Variants in TUB observed in about 807,000 individuals in gnomAD.
TUB encodes the protein tubby protein homolog.
A neutral mutation model predicts 59.7 loss-of-function variants in TUB; 33 were observed. That is an observed-to-expected ratio of 0.55 (90% CI 0.42 to 0.74). The LOEUF (loss-of-function observed/expected upper bound fraction) is 0.74. Ranked by LOEUF, TUB falls within the 30% of genes least tolerant of loss-of-function variation. TUB has a pLI of 0.00. For missense variants in TUB, 659 were observed against 672.0 expected (o/e 0.98, Z 0.21); for synonymous variants, 293 against 256.4 (o/e 1.14, Z -1.36).
chr11:8,037,170 G>A (rs1340816964), upstream of TUB, among the ~76,000 whole-genome samples: 1 of 152,232 alleles, frequency 6.6e-6, no homozygotes, highest in Non-Finnish European at 1.5e-5. Flanking sequence ...CGGCATGCAG[G>A]ATGTCTGTGC....
chr11:8,097,647 G>A, intron 7 of TUB, 67 bp from the exon 8 acceptor site: 2 of 1,414,124 alleles, frequency 1.4e-6, no homozygotes, highest in Non-Finnish European at 2.0e-6. Flanking sequence ...GTCTGTGTGA[G>A]TGGCTCTCAT....
At chr11:8,078,654 C>T (rs1046344879), upstream of TUB, among the ~76,000 whole-genome samples, 4 of 152,074 alleles carry the variant, frequency 2.6e-5, no homozygotes, top group African/African-American at 7.2e-5. Context: ...CTCCTGCACG[C>T]GTACCATCCA....
At chr11:8,095,409 T>TCTTCC in intron 4 of TUB, 89 bp from the exon 5 acceptor site, 1 of 1,401,592 alleles carries the variant, frequency 7.1e-7, no homozygotes, top group South Asian at 1.4e-5. Context: ...GTTTCCCCAC[T>TCTTCC]CTTCCCTCAT....
rs1420990590 is a variant in TUB at position 8,105,083 on chromosome 11, G to A, written c.*3464G>A. Reference sequence around the variant, plus strand: ...GCTTACAATGGAGTCTGCAGTGAGGGGAGATGCTGGGATAGCCATTTCCAT... The same window carrying A: ...GCTTACAATGGAGTCTGCAGTGAGGAGAGATGCTGGGATAGCCATTTCCAT... On this transcript the variant is annotated 3_prime_UTR_variant, in exon 12 of 12. Transcript: ENST00000299506. 1 of 152,152 alleles carries A rather than the reference G, an allele frequency of 6.6e-6. No individual in the cohort carries two copies. The allele number at this position is 152,152 out of a possible 1,614,324, so 9.4% of individuals were successfully genotyped here. A position where few individuals can be genotyped will look rare whatever the true frequency, so the allele number is the denominator to read the frequency against.
At chr11:8,029,301 T>C (rs1008933596) in intron 1 of TUB, among the ~76,000 whole-genome samples, 2 of 152,198 alleles carry the variant, frequency 1.3e-5, no homozygotes, top group South Asian at 4.1e-4. Context: ...CTAAGCTGAC[T>C]TTACCTTTCG....
rs922707243 is a variant in TUB at position 8,105,517 on chromosome 11, T to C, written c.*3898T>C. On this transcript the variant is annotated 3_prime_UTR_variant, in exon 12 of 12. Coordinates refer to ENST00000299506, the MANE Select transcript of TUB (RefSeq NM_177972.3). ...TTGGTTTTTAAATTTTCCAACCAAG[T>C]GGAAAGGCAAGTTGGTCTTATAGAA... The C allele has an allele frequency of 6.6e-6, 1 of 152,194 alleles. No homozygotes were observed. The highest frequency in any genetic ancestry group is 1.5e-5 in the Non-Finnish European group (1 of 68,046). The allele number at this position is 152,194 out of a possible 1,614,324, so 9.4% of individuals were successfully genotyped here. A position where few individuals can be genotyped will look rare whatever the true frequency, so the allele number is the denominator to read the frequency against.
At chr11:8,090,782 G>A (rs1405694548) in intron 3 of TUB, among the ~76,000 whole-genome samples, 2 of 151,984 alleles carry the variant, frequency 1.3e-5, no homozygotes, top group African/African-American at 2.4e-5. Context: ...GCAGAGCCCA[G>A]TTGGGAGAAA....
At chr11:8,028,077 A>G (rs75496844) in intron 1 of TUB, among the ~76,000 whole-genome samples, 8,327 of 152,236 alleles carry the variant, frequency 0.055, 324 homozygotes, top group Non-Finnish European at 0.085. Context: ...AAGGGTTCCC[A>G]TTTCTTCACC....
intron 2 of TUB, among the ~76,000 whole-genome samples, chr11:8,051,580 A>G (rs1942935577): frequency 6.6e-6 from 1 of 152,216 alleles, no homozygotes. Flanking sequence ...TTCTTTCCAG[A>G]AAGGCTATCA....
chr11:8,083,965 C>T (rs1477476119), intron 1 of TUB, among the ~76,000 whole-genome samples: 2 of 152,212 alleles, frequency 1.3e-5, no homozygotes, highest in Admixed American at 1.3e-4. Context: ...CTGCTGATTG[C>T]AGTCAAAGCC....
chr11:8,026,965 G>A (rs1465014900), intron 1 of TUB, among the ~76,000 whole-genome samples: 1 of 152,110 alleles, frequency 6.6e-6, no homozygotes, highest in Non-Finnish European at 1.5e-5. Context: ...GTAGCTTTCA[G>A]TGTATAGGTC....
chr11:8,057,137 T>C (rs746659932), intron 2 of TUB, among the ~76,000 whole-genome samples: 4 of 152,002 alleles, frequency 2.6e-5, no homozygotes, highest in Non-Finnish European at 5.9e-5. Context: ...GAGGGTCCCA[T>C]TCAGTTCTTT....
intron 2 of TUB, among the ~76,000 whole-genome samples, chr11:8,061,162 G>C (rs757306240): frequency 3.3e-5 from 5 of 152,236 alleles, no homozygotes; most frequent in Admixed American, 6.5e-5. Context: ...AATACAAAGA[G>C]AGTCTCTGAA....
chr11:8,029,850 G>A (rs1191740436), intron 1 of TUB, among the ~76,000 whole-genome samples: 1 of 152,182 alleles, frequency 6.6e-6, no homozygotes, highest in Non-Finnish European at 1.5e-5. Flanking sequence ...CTGGCCAGAG[G>A]AGTCGGGTGG....
At chr11:8,079,791 G>T (rs1293657873), upstream of TUB, among the ~76,000 whole-genome samples, 1 of 152,136 alleles carries the variant, frequency 6.6e-6, no homozygotes, top group Non-Finnish European at 1.5e-5. Context: ...CAGACCTTTT[G>T]TGTGTGAATG....
chr11:8,084,978 G>A lies in TUB; in HGVS notation c.38+3430G>A, dbSNP rs560677946. 2.6e-5 allele frequency among the ~76,000 whole-genome samples: 4 copies of A among 152,268 alleles called. No individual in the cohort carries two copies. The East Asian group carries it at 7.7e-4, about 29-fold the overall frequency. ...GTGATTTCTTTCAAGTTCTTCCTTA[G>A]GTTGAACCTAAGCAAGTCTCCGGGT... On this transcript the variant is annotated intron_variant, in intron 1 of 11. Coordinates refer to ENST00000299506, the MANE Select transcript of TUB (RefSeq NM_177972.3).
intron 2 of TUB, among the ~76,000 whole-genome samples, chr11:8,070,500 T>G: frequency 6.6e-6 from 1 of 152,252 alleles, no homozygotes; most frequent in East Asian, 1.9e-4. Context: ...ACTTTCTGAT[T>G]CTGGGGGTTT....
chr11:8,048,493 C>G (rs1942874950), intron 2 of TUB, among the ~76,000 whole-genome samples: 1 of 142,638 alleles, frequency 7.0e-6, no homozygotes, highest in African/African-American at 2.7e-5. Context: ...CCCAGAAGTC[C>G]TGGGCTCAAG....
At chr11:8,059,599 CAGG>C (rs1323281455) in intron 2 of TUB, among the ~76,000 whole-genome samples, 1 of 152,004 alleles carries the variant, frequency 6.6e-6, no homozygotes, top group African/African-American at 2.4e-5. Context: ...TGTGCTGAGG[CAGG>C]AGATGAGAAA....
Sources: gnomAD v4.1 joint callset for allele counts (sites outside exome capture counted in the v4.1 genomes callset) on GRCh38, gnomAD v4.1.1 for gene constraint, MANE v1.5 for transcripts, NCBI Gene and HGNC (gene_info 2026-07-23, HGNC 2026-07-21) for gene names.